SOX5: variants seen among roughly 807,000 people sequenced by gnomAD.
SOX5 encodes SRY-box transcription factor 5.
In SOX5, 9 loss-of-function variants were observed where a neutral mutation model predicts 92.0. The observed-to-expected ratio is 0.10, with a 90% CI of 0.06 to 0.17. The LOEUF (loss-of-function observed/expected upper bound fraction) is 0.17. SOX5 is among the 10% of genes least tolerant of loss of function. The pLI is 1.00. For missense variants in SOX5, 642 were observed against 944.5 expected, an observed-to-expected ratio of 0.68 and a Z score of 4.20; for synonymous variants, 344 against 336.3, an observed-to-expected ratio of 1.02 and a Z score of -0.25.
At chr12:24,112,517 G>C (rs917450372) in intron 4 of SOX5, among the ~76,000 whole-genome samples, 4 of 125,094 alleles carry the variant, frequency 3.2e-5, no homozygotes, top group East Asian at 2.6e-4. Flanking sequence ...CAACTTCAAG[G>C]TTCCTTTTTT....
chr12:24,153,133 A>G (rs1347947551), intron 4 of SOX5, among the ~76,000 whole-genome samples: 6 of 152,214 alleles, frequency 3.9e-5, no homozygotes, highest in Admixed American at 3.9e-4. Flanking sequence ...GCTTCCACCA[A>G]ACCTCCCATT....
intron 2 of SOX5, among the ~76,000 whole-genome samples, chr12:24,361,083 T>A (rs1955503283): frequency 6.6e-6 from 1 of 152,170 alleles, no homozygotes; most frequent in African/African-American, 2.4e-5. Context: ...GCTCCTCGTA[T>A]CGACCAGCAC....
In SOX5 at chr12:24,200,263, GTTCC is replaced by G. The variant is rs1957387934; in HGVS notation, c.-2+13076_-2+13079del. Among the ~76,000 whole-genome samples, 3 of 152,264 alleles carry G rather than the reference GTTCC, an allele frequency of 2.0e-5. 1 individual carries two copies. The South Asian group carries it at 6.2e-4, about 32-fold the overall frequency. The stretch of plus-strand genomic sequence containing the variant: ...CAAAATTTAACCTCTCTGAGCTTCA[GTTCC>G]TTGTCCACAAAAGCAGTGACTTAGA... On this transcript the variant is annotated intron_variant, in intron 4 of 4. Coordinates refer to the SOX5 transcript ENST00000446891.
chr12:24,349,306 C>T (rs1472375962), intron 2 of SOX5, among the ~76,000 whole-genome samples: 1 of 152,166 alleles, frequency 6.6e-6, no homozygotes, highest in South Asian at 2.1e-4. Flanking sequence ...AAAGTACCAC[C>T]TTAACCATTT....
chr12:23,809,539 T>C (rs1348885873), intron 3 of SOX5, among the ~76,000 whole-genome samples: 1 of 151,896 alleles, frequency 6.6e-6, no homozygotes, highest in East Asian at 1.9e-4. Flanking sequence ...TTTTCATTAA[T>C]GATCTGTTTA....
intron 6 of SOX5, among the ~76,000 whole-genome samples, chr12:23,674,539 T>G (rs532471815): frequency 1.3e-5 from 2 of 151,912 alleles, no homozygotes; most frequent in Admixed American, 1.3e-4. Flanking sequence ...GGTTTCACCA[T>G]GTTGGCCAAG....
chr12:23,888,410 G>A (rs1384551314), intron 2 of SOX5, among the ~76,000 whole-genome samples: 1 of 143,426 alleles, frequency 7.0e-6, no homozygotes, highest in Non-Finnish European at 1.5e-5. Context: ...AACTCCCATA[G>A]CACTTTTTTT....
intron 5 of SOX5, among the ~76,000 whole-genome samples, chr12:23,737,345 C>T (rs564128811): frequency 2.8e-4 from 42 of 152,084 alleles, no homozygotes; most frequent in African/African-American, 9.9e-4. Flanking sequence ...TCGAGACCAG[C>T]CTGGCCAACA....
At chr12:23,953,908 T>A (rs1399761988), upstream of SOX5, among the ~76,000 whole-genome samples, 2 of 152,020 alleles carry the variant, frequency 1.3e-5, no homozygotes, top group Non-Finnish European at 1.5e-5. Context: ...TTTGAGCTCA[T>A]GTTGTTTCCA....
intron 7 of SOX5, 48 bp from the exon 8 acceptor site, chr12:23,640,945 A>G: frequency 7.9e-7 from 1 of 1,262,946 alleles, no homozygotes; most frequent in Non-Finnish European, 1.1e-6. Context: ...TCTACTCTCC[A>G]CCTGCAAATT....
At chr12:23,787,951 G>T (rs961165449) in intron 3 of SOX5, among the ~76,000 whole-genome samples, 1 of 151,090 alleles carries the variant, frequency 6.6e-6, no homozygotes, top group Non-Finnish European at 1.5e-5. Flanking sequence ...CAGGATCTGA[G>T]CAAAGAGTCT....
intron 7 of SOX5, among the ~76,000 whole-genome samples, chr12:23,649,553 C>T (rs920657090): frequency 6.6e-6 from 1 of 152,054 alleles, no homozygotes; most frequent in Non-Finnish European, 1.5e-5. Flanking sequence ...GCCTTTCCAA[C>T]ATTAATTTGC....
At chr12:23,546,644 C>T (rs1943186101) in intron 11 of SOX5, among the ~76,000 whole-genome samples, 2 of 152,060 alleles carry the variant, frequency 1.3e-5, no homozygotes, top group Admixed American at 6.6e-5. Context: ...AAAGTCTTGG[C>T]GTTTGGGTTT....
chr12:24,423,880 G>A (rs1451735614), intron 1 of SOX5, among the ~76,000 whole-genome samples: 1 of 152,158 alleles, frequency 6.6e-6, no homozygotes, highest in Non-Finnish European at 1.5e-5. Flanking sequence ...GAGATGCATA[G>A]GCACCACTGG....
chr12:24,180,478 C>T (rs1955365556), intron 4 of SOX5, among the ~76,000 whole-genome samples: 1 of 152,170 alleles, frequency 6.6e-6, no homozygotes, highest in Non-Finnish European at 1.5e-5. Context: ...CTTCTAAGTC[C>T]TAAGTCTAAG....
At chr12:24,385,208 C>T (rs1048495259) in intron 1 of SOX5, among the ~76,000 whole-genome samples, 8 of 152,160 alleles carry the variant, frequency 5.3e-5, no homozygotes, top group African/African-American at 1.9e-4. Context: ...TACAATTCTA[C>T]TTATGAAGTT....
chr12:23,882,287 C>A (rs1408246079), intron 2 of SOX5, among the ~76,000 whole-genome samples: 3 of 151,678 alleles, frequency 2.0e-5, no homozygotes, highest in African/African-American at 7.3e-5. Context: ...AAATGAAGGA[C>A]TGAATCTTTC....
At chr12:24,548,424 TAGAATATCTGTACG>T (rs928518106) in intron 1 of SOX5, among the ~76,000 whole-genome samples, 2 of 152,234 alleles carry the variant, frequency 1.3e-5, no homozygotes, top group African/African-American at 4.8e-5. Flanking sequence ...GGCAGGATTT[TAGAATATCTGTACG>T]AGGGAGAAGC....
intron 3 of SOX5, among the ~76,000 whole-genome samples, chr12:23,780,345 C>T (rs1018058189): frequency 6.6e-6 from 1 of 151,636 alleles, no homozygotes; most frequent in Non-Finnish European, 1.5e-5. Flanking sequence ...ATATGCTCAA[C>T]ACTTTGTTAG....
Sources: allele counts gnomAD v4.1 joint callset (sites outside exome capture counted in the v4.1 genomes callset), GRCh38; gene constraint gnomAD v4.1.1; transcripts MANE v1.5; gene names NCBI Gene and HGNC (gene_info 2026-07-23, HGNC 2026-07-21).